OSBPL1A: variants seen among roughly 807,000 people sequenced by gnomAD.
OSBPL1A encodes oxysterol-binding protein-related protein 1.
Under a neutral mutation model 137.1 loss-of-function variants are expected in OSBPL1A, and 80 were observed. That is an observed-to-expected ratio of 0.58 (90% CI 0.49 to 0.70). The LOEUF is 0.70. OSBPL1A is among the 30% of genes least tolerant of loss of function. The pLI is 0.00. For missense variants in OSBPL1A, 970 were observed against 1,129.4 expected (o/e 0.86, Z 2.02); for synonymous variants, 365 against 389.7 (o/e 0.94, Z 0.75).
Position 24,165,048 on chromosome 18 carries a change from C to G in OSBPL1A, c.2750+17G>C, listed in dbSNP as rs967302607. The G allele has an allele frequency of 6.2e-7, 1 of 1,613,780 alleles. No individual in the cohort carries two copies. The highest frequency in any genetic ancestry group is 8.5e-7 in the Non-Finnish European group (1 of 1,179,800). On this transcript the variant is annotated intron_variant, in intron 27 of 27. Transcript: ENST00000319481. ...CTGCCTGAGGGCTCAGCCACACCCC[C>G]TGACTCAGGCACGCACCTCGTCTTC...
chr18:24,204,446 G>A (rs1187460473), intron 17 of OSBPL1A, among the ~76,000 whole-genome samples: 2 of 151,688 alleles, frequency 1.3e-5, no homozygotes, highest in Admixed American at 6.6e-5. Flanking sequence ...GATTGTACAT[G>A]GTACCATCTG....
At chr18:24,253,823 G>A (rs1452142860) in intron 15 of OSBPL1A, among the ~76,000 whole-genome samples, 11 of 152,158 alleles carry the variant, frequency 7.2e-5, no homozygotes, top group Non-Finnish European at 1.3e-4. Flanking sequence ...TTACAATGCT[G>A]ATGTTATCCC....
At chr18:24,166,428 T>C (rs2086146866) in intron 26 of OSBPL1A, 151 bp downstream of exon 26, 4 of 999,034 alleles carry the variant, frequency 4.0e-6, no homozygotes, top group Non-Finnish European at 5.6e-6. Flanking sequence ...TAAAAGTTAC[T>C]GAATTTAAAT....
intron 21 of OSBPL1A, among the ~76,000 whole-genome samples, chr18:24,173,883 A>C (rs2086358555): frequency 6.6e-6 from 1 of 152,218 alleles, no homozygotes; most frequent in South Asian, 2.1e-4. Context: ...CCTGGTAGTC[A>C]AACCTTTCTC....
At chr18:24,198,807 A>C (rs2087117061) in intron 17 of OSBPL1A, among the ~76,000 whole-genome samples, 1 of 151,704 alleles carries the variant, frequency 6.6e-6, no homozygotes, top group African/African-American at 2.4e-5. Context: ...CCCGAGGGCA[A>C]CCTGAGCTGG....
At chr18:24,274,233 C>CAAAAAAAAAAAA (rs5823419) in intron 15 of OSBPL1A, among the ~76,000 whole-genome samples, 1 of 110,392 alleles carries the variant, frequency 9.1e-6, no homozygotes, top group Non-Finnish European at 1.8e-5. Context: ...GACTCCTTCA[C>CAAAAAAAAAAAA]AAAAAAAAAA....
At chr18:24,275,211 A>T (rs1052427669) in intron 15 of OSBPL1A, among the ~76,000 whole-genome samples, 1 of 152,228 alleles carries the variant, frequency 6.6e-6, no homozygotes, top group Admixed American at 6.5e-5. Flanking sequence ...GCTATAAATA[A>T]GGGGGTAGAG....
At chr18:24,205,439 C>T (rs566457507) in intron 17 of OSBPL1A, among the ~76,000 whole-genome samples, 1 of 152,242 alleles carries the variant, frequency 6.6e-6, no homozygotes, top group South Asian at 2.1e-4. Context: ...AAATCAAACT[C>T]ATCTGGCAAG....
chr18:24,395,379 T>C (rs1907663001), intron 1 of OSBPL1A, among the ~76,000 whole-genome samples: 1 of 152,188 alleles, frequency 6.6e-6, no homozygotes, highest in Non-Finnish European at 1.5e-5. Flanking sequence ...AAGCTCAGCT[T>C]CCAGTAATGT....
At chr18:24,325,281 C>T (rs1313162664) in intron 7 of OSBPL1A, among the ~76,000 whole-genome samples, 1 of 152,180 alleles carries the variant, frequency 6.6e-6, no homozygotes, top group Non-Finnish European at 1.5e-5. Flanking sequence ...CACTCACATA[C>T]CACCAAGCTC....
intron 7 of OSBPL1A, among the ~76,000 whole-genome samples, chr18:24,332,527 G>A (rs1022315151): frequency 1.4e-5 from 2 of 147,900 alleles, no homozygotes; most frequent in Admixed American, 6.8e-5. Context: ...TGTTGGCTAT[G>A]AGTTCAATGT....
intron 26 of OSBPL1A, among the ~76,000 whole-genome samples, chr18:24,165,925 C>T (rs966698183): frequency 6.6e-6 from 1 of 152,112 alleles, no homozygotes. Flanking sequence ...GGTGAAACCC[C>T]ATTTCCACGA....
At chr18:24,200,118 A>G (rs1461475085) in intron 17 of OSBPL1A, among the ~76,000 whole-genome samples, 1 of 152,214 alleles carries the variant, frequency 6.6e-6, no homozygotes, top group Non-Finnish European at 1.5e-5. Context: ...ACTTTTTTCC[A>G]TATTGTCTTT....
intron 20 of OSBPL1A, chr18:24,178,904 T>C (rs752514692): frequency 6.6e-6 from 1 of 152,192 alleles, no homozygotes; most frequent in Non-Finnish European, 1.5e-5. Flanking sequence ...CCCTTAATCA[T>C]ATATAAACAA....
chr18:24,271,884 C>T lies in OSBPL1A; in HGVS notation c.1281+8958G>A. ...GTTGCCCGCCAGCGGCCCAGGACTC[C>T]CGCGCCGCGCCCGCCCGGGCCGCAG... On this transcript the variant is annotated intron_variant, in intron 15 of 27. Transcript: ENST00000319481. This position sits in a 1 kb window ranked among gnomAD's most constrained non-coding sequence, Gnocchi z 4.0. 1.0e-6 allele frequency: 1 copy of T among 984,786 alleles called. No individual in the cohort carries two copies. 61.0% of individuals were successfully genotyped at this position (984,786 alleles called of 1,614,324 possible).
intron 1 of OSBPL1A, among the ~76,000 whole-genome samples, chr18:24,387,792 T>C (rs1405630484): frequency 6.6e-6 from 1 of 151,738 alleles, no homozygotes; most frequent in Non-Finnish European, 1.5e-5. Context: ...GACTTGAATA[T>C]CTAGAATGCC....
At chr18:24,234,094 T>A (rs147627408) in intron 16 of OSBPL1A, among the ~76,000 whole-genome samples, 10 of 152,260 alleles carry the variant, frequency 6.6e-5, no homozygotes, top group African/African-American at 2.2e-4. Context: ...GTGGACAAAG[T>A]AGCAAAAAGA....
chr18:24,344,982 T>G (rs2091322078), intron 4 of OSBPL1A, among the ~76,000 whole-genome samples: 1 of 151,706 alleles, frequency 6.6e-6, no homozygotes, highest in African/African-American at 2.4e-5. Flanking sequence ...TCTGGCTAAT[T>G]TTTACATTTT....
intron 15 of OSBPL1A, among the ~76,000 whole-genome samples, chr18:24,239,606 A>G (rs1296796584): frequency 3.3e-5 from 5 of 152,188 alleles, no homozygotes. Flanking sequence ...AAATAGATTC[A>G]GAACTAGCAA....
Sources: gnomAD v4.1 joint callset for allele counts (sites outside exome capture counted in the v4.1 genomes callset) on GRCh38, gnomAD v4.1.1 for gene constraint, Gnocchi (gnomAD v3.1) non-coding constraint, MANE v1.5 for transcripts, NCBI Gene and HGNC (gene_info 2026-07-23, HGNC 2026-07-21) for gene names.